SLC4A10: variants seen among roughly 807,000 people sequenced by gnomAD.
SLC4A10 encodes solute carrier family 4 member 10, also known as sodium-driven chloride bicarbonate exchanger.
Under a neutral mutation model 137.7 loss-of-function variants are expected in SLC4A10, and 42 were observed. The ratio of observed to expected loss-of-function variants is 0.30; its 90% CI spans 0.24 to 0.39. SLC4A10 has a LOEUF of 0.39. SLC4A10 is among the 10% of genes least tolerant of loss of function. The pLI is 1.00. For synonymous variants in SLC4A10, 474 were observed against 464.1 expected (o/e 1.02, Z -0.27); for missense variants, 925 against 1,355.0 (o/e 0.68, Z 4.98).
At chr2:161,654,568 C>A (rs6759082) in intron 1 of SLC4A10, among the ~76,000 whole-genome samples, 132,556 of 152,128 alleles carry the variant, frequency 0.87, 58,365 homozygotes, top group East Asian at 1. Context: ...AAATGGTATA[C>A]GGGACAAATT....
rs190260051 is a variant in SLC4A10 at position 161,866,796 on chromosome 2, A to G, written c.766+3734A>G. 2.0e-5 allele frequency among the ~76,000 whole-genome samples: 3 copies of G among 152,048 alleles called. No individual in the cohort carries two copies. The East Asian group carries it at 5.8e-4, about 29-fold the overall frequency. Reference sequence around the variant, plus strand: ...TCTGTATTTATCATTTAGGTCATGTATTCAATTACCTTTTGAGACATTGGG... The same window carrying G: ...TCTGTATTTATCATTTAGGTCATGTGTTCAATTACCTTTTGAGACATTGGG... On this transcript the variant is annotated intron_variant, in intron 6 of 26. Coordinates refer to ENST00000446997, the MANE Select transcript of SLC4A10 (RefSeq NM_001178015.2).
chr2:161,720,904 A>T (rs553542698), intron 1 of SLC4A10, among the ~76,000 whole-genome samples: 1 of 150,580 alleles, frequency 6.6e-6, no homozygotes, highest in East Asian at 2.0e-4. Context: ...GATCTTGGTC[A>T]CTGCAACCTC....
chr2:161,645,016 C>T (rs2035840299), intron 1 of SLC4A10, among the ~76,000 whole-genome samples: 2 of 151,960 alleles, frequency 1.3e-5, no homozygotes, highest in African/African-American at 4.8e-5. Flanking sequence ...AGTTACAGGC[C>T]ATTTGATTTT....
intron 1 of SLC4A10, among the ~76,000 whole-genome samples, chr2:161,638,712 A>G (rs932487565): frequency 3.9e-5 from 6 of 152,116 alleles, no homozygotes; most frequent in Middle Eastern, 3.2e-3. Flanking sequence ...TGCTTTGAGT[A>G]GTATGAGTGT....
chr2:161,683,124 G>C lies in SLC4A10; in HGVS notation c.48+58558G>C, dbSNP rs574565929. Reference sequence around the variant, plus strand: ...GAGTGTGAATACAGGGTGCATGGTTGATTGGGGACCCCCATACAGCAGACT... The same window carrying C: ...GAGTGTGAATACAGGGTGCATGGTTCATTGGGGACCCCCATACAGCAGACT... On this transcript the variant is annotated intron_variant, in intron 1 of 26. Transcript: ENST00000446997. Among the ~76,000 whole-genome samples, 6 of 152,292 alleles carry C rather than the reference G, an allele frequency of 3.9e-5. 1 individual carries two copies. In the East Asian group the frequency reaches 1.2e-3, roughly 29 times the overall value.
chr2:161,721,109 A>G (rs2045614108), intron 1 of SLC4A10, among the ~76,000 whole-genome samples: 1 of 152,156 alleles, frequency 6.6e-6, no homozygotes, highest in Admixed American at 6.6e-5. Context: ...GATTACAGGC[A>G]TGAGCCAGGG....
chr2:161,977,738 C>G lies in SLC4A10; in HGVS notation c.*4C>G. 1 of 1,597,884 alleles carries G rather than the reference C, an allele frequency of 6.3e-7. No homozygotes were observed. Among genetic ancestry groups the G allele is most frequent in the Non-Finnish European group, 8.5e-7 (1 of 1,174,196 alleles). ...TGTCATAAGCTCCCCTTCCTAATCA[C>G]TCTAGAAGCTGATTCCCCAAAGGTA... On this transcript the variant is annotated 3_prime_UTR_variant, in exon 26 of 27. Transcript: ENST00000446997.
At chr2:161,946,444 C>T (rs575757165) in intron 16 of SLC4A10, among the ~76,000 whole-genome samples, 38 of 152,106 alleles carry the variant, frequency 2.5e-4, no homozygotes, top group Non-Finnish European at 4.9e-4. Flanking sequence ...TAAAGTTGGG[C>T]AGACTCTGTG....
chr2:161,629,064 C>T (rs961517395), intron 1 of SLC4A10, among the ~76,000 whole-genome samples: 2 of 151,906 alleles, frequency 1.3e-5, no homozygotes, highest in African/African-American at 2.4e-5. Context: ...CAGTGTATTA[C>T]GATGGCCCGC....
At chr2:161,759,023 T>A in intron 1 of SLC4A10, among the ~76,000 whole-genome samples, 1 of 152,008 alleles carries the variant, frequency 6.6e-6, no homozygotes, top group South Asian at 2.1e-4. Flanking sequence ...TTTATTTTAT[T>A]TAGGTCCATC....
intron 2 of SLC4A10, among the ~76,000 whole-genome samples, chr2:161,803,870 G>A (rs887197705): frequency 6.6e-6 from 1 of 152,046 alleles, no homozygotes; most frequent in Non-Finnish European, 1.5e-5. Flanking sequence ...GAGATTAACA[G>A]TAGCTAATAA....
At chr2:161,698,905 C>G (rs1273689315) in intron 1 of SLC4A10, among the ~76,000 whole-genome samples, 1 of 152,098 alleles carries the variant, frequency 6.6e-6, no homozygotes, top group Non-Finnish European at 1.5e-5. Context: ...CCTTGTACCT[C>G]TGGTAGAATT....
intron 1 of SLC4A10, among the ~76,000 whole-genome samples, chr2:161,686,332 A>G (rs935078305): frequency 6.6e-6 from 1 of 152,230 alleles, no homozygotes; most frequent in African/African-American, 2.4e-5. Flanking sequence ...TGCAATGGTA[A>G]TAAAAATTAT....
intron 1 of SLC4A10, among the ~76,000 whole-genome samples, chr2:161,692,868 T>C (rs1290904274): frequency 6.6e-6 from 1 of 151,864 alleles, no homozygotes; most frequent in Non-Finnish European, 1.5e-5. Context: ...CATGGTGCTG[T>C]ACTGGAGAGG....
intron 9 of SLC4A10, among the ~76,000 whole-genome samples, chr2:161,880,939 T>G (rs1351134124): frequency 6.6e-6 from 1 of 152,088 alleles, no homozygotes; most frequent in African/African-American, 2.4e-5. Context: ...ATACCCTTAC[T>G]GTGAAAACTG....
At chr2:161,810,534 T>A (rs1012551853) in intron 3 of SLC4A10, among the ~76,000 whole-genome samples, 2 of 152,130 alleles carry the variant, frequency 1.3e-5, no homozygotes, top group African/African-American at 2.4e-5. Context: ...TTTTGAGGTA[T>A]GTTTCTTCAA....
At chr2:161,842,048 A>G (rs940866068) in intron 4 of SLC4A10, among the ~76,000 whole-genome samples, 1 of 152,200 alleles carries the variant, frequency 6.6e-6, no homozygotes, top group Non-Finnish European at 1.5e-5. Flanking sequence ...ATTGCATTCA[A>G]TTATATGGAT....
chr2:161,676,922 C>G (rs2040336068), intron 1 of SLC4A10, among the ~76,000 whole-genome samples: 1 of 152,006 alleles, frequency 6.6e-6, no homozygotes, highest in Admixed American at 6.6e-5. Flanking sequence ...CCTATTAAAG[C>G]CTCTGAGAAG....
Position 161,974,328 on chromosome 2 carries a change from A to G in SLC4A10, c.3227+12A>G. 1 of 1,587,742 alleles carries G rather than the reference A, an allele frequency of 6.3e-7. No homozygotes were observed. The highest frequency in any genetic ancestry group is 1.3e-5 in the African/African-American group (1 of 74,296). On this transcript the variant is annotated intron_variant, in intron 24 of 26. Transcript: ENST00000446997. The stretch of plus-strand genomic sequence containing the variant: ...GAAGGGCACTATAGGTAAGACATAA[A>G]TTTAAAAACACATCAATTAAAGTAA...
Sources: allele counts gnomAD v4.1 joint callset (sites outside exome capture counted in the v4.1 genomes callset), GRCh38; gene constraint gnomAD v4.1.1; transcripts MANE v1.5; gene names NCBI Gene and HGNC (gene_info 2026-07-23, HGNC 2026-07-21).